Variants in KDM4C observed in about 807,000 individuals in gnomAD.
KDM4C encodes lysine-specific demethylase 4C.
KDM4C carries 81 observed loss-of-function variants against 129.3 expected under a neutral mutation model. That is an observed-to-expected ratio of 0.63 (90% CI 0.52 to 0.75). KDM4C has a LOEUF of 0.75. Among genes scored for constraint, KDM4C ranks in the 30% least tolerant of loss-of-function variants. The pLI, the probability that KDM4C is intolerant of heterozygous loss-of-function variation, is 0.00. For synonymous variants in KDM4C, 573 were observed against 456.1 expected, an observed-to-expected ratio of 1.26 and a Z score of -3.26; for missense variants, 1,457 against 1,304.0, an observed-to-expected ratio of 1.12 and a Z score of -1.81.
intron 10 of KDM4C, among the ~76,000 whole-genome samples, chr9:6,985,963 T>C (rs1351301708): frequency 1.3e-5 from 2 of 152,228 alleles, no homozygotes; most frequent in Admixed American, 6.5e-5. Flanking sequence ...AGTGCTGGGA[T>C]TACACACGTG....
chr9:6,876,582 C>G (rs1276980200), intron 5 of KDM4C, among the ~76,000 whole-genome samples: 5 of 152,204 alleles, frequency 3.3e-5, no homozygotes, highest in Admixed American at 6.5e-5. Flanking sequence ...CTTTCTCTCT[C>G]TTCTCATGGC....
At chr9:6,833,506 G>C (rs1835294319) in intron 4 of KDM4C, among the ~76,000 whole-genome samples, 1 of 152,124 alleles carries the variant, frequency 6.6e-6, no homozygotes, top group Non-Finnish European at 1.5e-5. Flanking sequence ...GCATGGGTTA[G>C]AATTTTCATT....
At chr9:6,838,910 T>A (rs1836384264) in intron 4 of KDM4C, among the ~76,000 whole-genome samples, 1 of 152,240 alleles carries the variant, frequency 6.6e-6, no homozygotes, top group South Asian at 2.1e-4. Context: ...TTCAATTTAG[T>A]TATTAGAAGG....
chr9:7,151,306 T>C (rs558093334), intron 19 of KDM4C, among the ~76,000 whole-genome samples: 2 of 151,690 alleles, frequency 1.3e-5, no homozygotes, highest in East Asian at 3.9e-4. Flanking sequence ...AAAAAAAAAA[T>C]TGGCTGTTTG....
chr9:7,014,212 G>T (rs956080037), intron 14 of KDM4C: 1 of 471,652 alleles, frequency 2.1e-6, no homozygotes, highest in Non-Finnish European at 3.7e-6. Flanking sequence ...GTGGAGAGCA[G>T]GTCTGGTTTT....
At chr9:6,859,198 C>T (rs1480724470) in intron 5 of KDM4C, among the ~76,000 whole-genome samples, 2 of 152,112 alleles carry the variant, frequency 1.3e-5, no homozygotes, top group African/African-American at 4.8e-5. Context: ...TCTCTGGTGG[C>T]CGGGTACGGT....
At chr9:6,903,830 A>G (rs1384718740) in intron 8 of KDM4C, among the ~76,000 whole-genome samples, 1 of 152,222 alleles carries the variant, frequency 6.6e-6, no homozygotes, top group Non-Finnish European at 1.5e-5. Context: ...TTAACAGTTC[A>G]TTGTATATCT....
intron 5 of KDM4C, among the ~76,000 whole-genome samples, chr9:6,860,459 G>A (rs1840718378): frequency 6.6e-6 from 1 of 152,120 alleles, no homozygotes; most frequent in Admixed American, 6.6e-5. Flanking sequence ...GTCCTTGTCA[G>A]GAGTTAAGTG....
Position 6,916,059 on chromosome 9 carries a change from T to C in KDM4C, c.921+22827T>C, listed in dbSNP as rs114618668. On this transcript the variant is annotated intron_variant, in intron 8 of 21. Coordinates refer to ENST00000381309, the MANE Select transcript of KDM4C (RefSeq NM_015061.6). ...GACATCATATTTGACCTGGTGAAGA[T>C]TGGATGGTGTTTTGGAAGTATATAT... Among the ~76,000 whole-genome samples the C allele has an allele frequency of 8.6e-3, 1,305 of 152,182 alleles. 18 individuals carry two copies. Among genetic ancestry groups the C allele is most frequent in the African/African-American group, 0.03 (1,251 of 41,504 alleles).
chr9:6,826,385 A>G (rs1588530353), intron 4 of KDM4C, among the ~76,000 whole-genome samples: 1 of 152,264 alleles, frequency 6.6e-6, no homozygotes, highest in Non-Finnish European at 1.5e-5. Flanking sequence ...TAATCCTGGC[A>G]TTCAGAGAAA....
At chr9:6,899,312 A>G (rs1816970986) in intron 8 of KDM4C, among the ~76,000 whole-genome samples, 1 of 152,118 alleles carries the variant, frequency 6.6e-6, no homozygotes, top group Non-Finnish European at 1.5e-5. Flanking sequence ...ACAAATAAAG[A>G]ACCTACAATG....
intron 15 of KDM4C, among the ~76,000 whole-genome samples, chr9:7,037,372 G>C (rs1486667271): frequency 6.6e-6 from 1 of 152,144 alleles, no homozygotes; most frequent in East Asian, 1.9e-4. Flanking sequence ...ATGTTTTATA[G>C]AAGAGACATT....
intron 2 of KDM4C, among the ~76,000 whole-genome samples, chr9:6,795,353 C>T (rs563212724): frequency 7.9e-5 from 12 of 152,196 alleles, no homozygotes; most frequent in East Asian, 1.9e-4. Context: ...CTTTTTGAGA[C>T]GGGAGTCTCG....
intron 1 of KDM4C, among the ~76,000 whole-genome samples, chr9:6,733,621 C>G (rs905962201): frequency 6.6e-6 from 1 of 152,138 alleles, no homozygotes; most frequent in Non-Finnish European, 1.5e-5. Flanking sequence ...AAAGGGGTCC[C>G]GATCCAGACC....
chr9:7,107,385 T>C (rs1837811410), intron 18 of KDM4C, among the ~76,000 whole-genome samples: 1 of 152,188 alleles, frequency 6.6e-6, no homozygotes, highest in South Asian at 2.1e-4. Flanking sequence ...TTCTGCAAAA[T>C]ATAGCACCAC....
At chr9:6,962,889 G>A (rs372387037) in intron 8 of KDM4C, among the ~76,000 whole-genome samples, 10 of 152,262 alleles carry the variant, frequency 6.6e-5, no homozygotes, top group African/African-American at 2.4e-4. Context: ...CATTATGCAT[G>A]TGAGAATTAT....
intron 8 of KDM4C, among the ~76,000 whole-genome samples, chr9:6,949,780 G>A (rs551731929): frequency 2.0e-5 from 3 of 152,350 alleles, no homozygotes; most frequent in Admixed American, 6.5e-5. Flanking sequence ...GCAGTGAGCG[G>A]AGATGGCAGC....
intron 8 of KDM4C, among the ~76,000 whole-genome samples, chr9:6,934,999 C>G (rs1165054716): frequency 6.6e-6 from 1 of 151,386 alleles, no homozygotes; most frequent in African/African-American, 2.4e-5. Flanking sequence ...AACAATGACA[C>G]AAGTTTTATG....
At chr9:6,820,330 C>G (rs1259016549) in intron 4 of KDM4C, among the ~76,000 whole-genome samples, 1 of 152,140 alleles carries the variant, frequency 6.6e-6, no homozygotes, top group Non-Finnish European at 1.5e-5. Flanking sequence ...TGAGACCACA[C>G]CTAACAGTGT....
Sources: allele counts gnomAD v4.1 joint callset (sites outside exome capture counted in the v4.1 genomes callset), GRCh38; gene constraint gnomAD v4.1.1; transcripts MANE v1.5; gene names NCBI Gene and HGNC (gene_info 2026-07-23, HGNC 2026-07-21).